Variants in CCDC88C observed in about 807,000 individuals in gnomAD.
CCDC88C encodes the protein protein Daple.
A neutral mutation model predicts 198.8 loss-of-function variants in CCDC88C; 131 were observed. The ratio of observed to expected loss-of-function variants is 0.66; its 90% CI spans 0.57 to 0.76. CCDC88C has a LOEUF of 0.76. CCDC88C is among the 30% of genes least tolerant of loss of function. CCDC88C has a pLI of 0.00. For synonymous variants in CCDC88C, 1,166 were observed against 1,114.7 expected (o/e 1.05, Z -0.92); for missense variants, 2,553 against 2,631.6 (o/e 0.97, Z 0.65).
chr14:91,320,973 T>C, intron 13 of CCDC88C, 147 bp downstream of exon 13: 2 of 725,814 alleles, frequency 2.8e-6, no homozygotes, highest in Non-Finnish European at 4.4e-6. Flanking sequence ...TAATCAGCGG[T>C]GACTGCGCCT....
At chr14:91,336,320 G>A (rs1261091110) in intron 10 of CCDC88C, among the ~76,000 whole-genome samples, 1 of 152,188 alleles carries the variant, frequency 6.6e-6, no homozygotes, top group Non-Finnish European at 1.5e-5. Flanking sequence ...GAGCGAGGAT[G>A]CTCCCACAAG....
At position 91,289,285 on chromosome 14, in the gene CCDC88C, CCT is replaced by C; in HGVS notation, c.4259_4260del (p.Glu1420GlyfsTer78). 6.2e-7 allele frequency: 1 copy of C among 1,614,028 alleles called. No homozygotes were observed. Among genetic ancestry groups the C allele is most frequent in the Non-Finnish European group, 8.5e-7 (1 of 1,179,886 alleles). The stretch of plus-strand genomic sequence containing the variant: ...GTGGATTTTAAGCGTTCCCTCGAAC[CCT>C]CTTTCTTTGGTTTGATGAGTTTGAC... Reference protein sequence around the residue: ...ALVKLIKPKKEGSRERLKSTV... With the variant: ...ALVKLIKPKKXGSRERLKSTV... On this transcript the variant is annotated frameshift_variant, in exon 25 of 30. Transcript: ENST00000389857. LOFTEE classifies it high-confidence loss of function.
At position 91,339,284 on chromosome 14, in the gene CCDC88C, T is replaced by C. The variant is rs1438966419; in HGVS notation, c.803A>G (p.Gln268Arg). The C allele has an allele frequency of 6.2e-7, 1 of 1,612,418 alleles. No individual in the cohort carries two copies. The highest frequency in any genetic ancestry group is 8.5e-7 in the Non-Finnish European group (1 of 1,179,836). Reference protein sequence around the residue: ...DTKARLRRVRQELEDKTEQLV... With the variant: ...DTKARLRRVRRELEDKTEQLV... ...GAAGCAGCCGGGGACTCACAGCTCC[T>C]GCCTGACGCGCCGCAGCCTGGCCTT... Residue 268 changes from glutamine to arginine, a missense_variant, in exon 8 of 30, where the codon CAG becomes CGG. Physicochemically the swap from Gln to Arg is conservative, Grantham distance 43. Around this residue, in one of 2 missense-constraint regions of CCDC88C, gnomAD observed 1,260 missense variants for 1,412.0 expected, o/e 0.89. Transcript: ENST00000389857. The surrounding 1 kb of genome is among the most constrained non-coding windows in gnomAD (Gnocchi z 5.8).
chr14:91,274,161 C>T (rs1889861153), intron 29 of CCDC88C, among the ~76,000 whole-genome samples: 2 of 150,490 alleles, frequency 1.3e-5, no homozygotes, highest in Admixed American at 1.3e-4. Context: ...GCCACTCAGA[C>T]CTCTCTCTGG....
chr14:91,290,597 C>T (rs1890618917), intron 24 of CCDC88C, among the ~76,000 whole-genome samples: 1 of 152,198 alleles, frequency 6.6e-6, no homozygotes, highest in Non-Finnish European at 1.5e-5. Flanking sequence ...CATTTGAAGA[C>T]CATGGGGGCT....
chr14:91,343,676 A>T lies in CCDC88C; in HGVS notation c.341-19T>A, dbSNP rs1004553565. The T allele has an allele frequency of 2.5e-6, 4 of 1,613,188 alleles. No homozygotes were observed. The highest frequency in any genetic ancestry group is 1.7e-4 in the Middle Eastern group (1 of 6,060). On this transcript the variant is annotated intron_variant, in intron 4 of 29. Coordinates refer to ENST00000389857, the MANE Select transcript of CCDC88C (RefSeq NM_001080414.4). ...CTCTTCCCTAGATCAAGAGAGCAAC[A>T]CATTTAACTCAGCTCAACTGCTGAT...
At chr14:91,335,569 T>C (rs1200438059) in intron 10 of CCDC88C, among the ~76,000 whole-genome samples, 1 of 152,148 alleles carries the variant, frequency 6.6e-6, no homozygotes, top group East Asian at 1.9e-4. Flanking sequence ...CGCCCTCCTC[T>C]GTGACCCCCA....
chr14:91,391,976 G>A (rs1433178233), intron 3 of CCDC88C, among the ~76,000 whole-genome samples: 6 of 151,984 alleles, frequency 3.9e-5, no homozygotes, highest in Admixed American at 2.6e-4. Context: ...ACGCAATCCA[G>A]CTACTTTCTA....
At chr14:91,359,819 C>T (rs761057982) in intron 3 of CCDC88C, 108 bp from the exon 4 acceptor site, 6 of 955,340 alleles carry the variant, frequency 6.3e-6, no homozygotes, top group Non-Finnish European at 9.9e-6. Context: ...CACAGCCATC[C>T]CGTGGTGACT....
At chr14:91,317,749 A>C (rs1892165399) in intron 13 of CCDC88C, among the ~76,000 whole-genome samples, 1 of 152,184 alleles carries the variant, frequency 6.6e-6, no homozygotes, top group Non-Finnish European at 1.5e-5. Flanking sequence ...GTGCCAAGAC[A>C]GGGCCTCCCG....
chr14:91,382,268 C>T (rs1445845143), intron 3 of CCDC88C, among the ~76,000 whole-genome samples: 1 of 152,178 alleles, frequency 6.6e-6, no homozygotes, highest in Non-Finnish European at 1.5e-5. Flanking sequence ...TCCTTCTCAA[C>T]ACAGCCCTCT....
chr14:91,309,764 G>C (rs1361912752), intron 16 of CCDC88C, 95 bp downstream of exon 16: 5 of 1,339,084 alleles, frequency 3.7e-6, no homozygotes, highest in Non-Finnish European at 4.1e-6. Context: ...CGGCAGTAGA[G>C]AGTTCATGGA....
At chr14:91,341,134 G>A (rs1285795) in intron 6 of CCDC88C, among the ~76,000 whole-genome samples, 5 of 152,192 alleles carry the variant, frequency 3.3e-5, no homozygotes, top group Admixed American at 1.3e-4. Context: ...TTAAAAGGCC[G>A]AGTTTGGATA....
At chr14:91,327,463 C>T (rs1892627679) in intron 10 of CCDC88C, among the ~76,000 whole-genome samples, 1 of 152,228 alleles carries the variant, frequency 6.6e-6, no homozygotes, top group African/African-American at 2.4e-5. Flanking sequence ...AATCCATGTC[C>T]TGCCTTACAG....
At chr14:91,329,099 C>G (rs935510352) in intron 10 of CCDC88C, among the ~76,000 whole-genome samples, 1 of 152,318 alleles carries the variant, frequency 6.6e-6, no homozygotes, top group East Asian at 1.9e-4. Flanking sequence ...GGAAACATCA[C>G]CCCCGCTCTG....
chr14:91,395,660 G>A (rs554973937), intron 3 of CCDC88C, among the ~76,000 whole-genome samples: 32 of 152,154 alleles, frequency 2.1e-4, no homozygotes, highest in African/African-American at 5.8e-4. Flanking sequence ...AGCCGAGAAG[G>A]CAAACCTGCC....
intron 3 of CCDC88C, among the ~76,000 whole-genome samples, chr14:91,400,133 A>T (rs1274413241): frequency 1.3e-5 from 2 of 151,912 alleles, no homozygotes; most frequent in Non-Finnish European, 2.9e-5. Context: ...ATTGCAGCTG[A>T]TTTACCTGGC....
At chr14:91,377,232 C>T (rs1884486207) in intron 3 of CCDC88C, among the ~76,000 whole-genome samples, 1 of 152,178 alleles carries the variant, frequency 6.6e-6, no homozygotes, top group South Asian at 2.1e-4. Flanking sequence ...ATGGGTGCCA[C>T]GCGAGCCCTT....
intron 4 of CCDC88C, among the ~76,000 whole-genome samples, chr14:91,347,538 C>T (rs1034948246): frequency 6.6e-6 from 1 of 152,164 alleles, no homozygotes; most frequent in Admixed American, 6.6e-5. Flanking sequence ...TGAACAGACA[C>T]TTCTCAAAAG....
Sources: gnomAD v4.1 joint callset for allele counts (sites outside exome capture counted in the v4.1 genomes callset) on GRCh38, gnomAD v4.1.1 for gene constraint, gnomAD v4.1.1 regional missense constraint, Gnocchi (gnomAD v3.1) non-coding constraint, MANE v1.5 for transcripts, NCBI Gene and HGNC (gene_info 2026-07-23, HGNC 2026-07-21) for gene names.